Variants in JAK3 observed in about 807,000 individuals in gnomAD.
The protein encoded by JAK3 is tyrosine-protein kinase JAK3.
JAK3 carries 88 observed loss-of-function variants against 120.8 expected under a neutral mutation model. The ratio of observed to expected loss-of-function variants is 0.73; its 90% CI spans 0.61 to 0.87. JAK3 has a LOEUF of 0.87. JAK3 is among the 40% of genes least tolerant of loss of function. JAK3 has a pLI of 0.00. For synonymous variants in JAK3, 592 were observed against 628.6 expected, an observed-to-expected ratio of 0.94 and a Z score of 0.87; for missense variants, 1,254 against 1,501.4, an observed-to-expected ratio of 0.84 and a Z score of 2.72.
chr19:17,830,357 G>T, intron 22 of JAK3, 139 bp from the exon 23 acceptor site: 3 of 913,850 alleles, frequency 3.3e-6, no homozygotes, highest in South Asian at 1.5e-5. Flanking sequence ...TCAGAAAGGT[G>T]AGGAAGCGTC....
rs1019886488 is a variant in JAK3 at position 17,841,089 on chromosome 19, T to C, written c.1142+300A>G. Reference sequence around the variant, plus strand: ...GCCTTGGCCCCTCAAAGCGCTGCGATTGCAGGTGTGCCCCACTATGCCTGG... The same window carrying C: ...GCCTTGGCCCCTCAAAGCGCTGCGACTGCAGGTGTGCCCCACTATGCCTGG... On this transcript the variant is annotated intron_variant, in intron 8 of 23. Coordinates refer to ENST00000458235, the MANE Select transcript of JAK3 (RefSeq NM_000215.4). This position sits in a 1 kb window ranked among gnomAD's most constrained non-coding sequence, Gnocchi z 4.1. Among the ~76,000 whole-genome samples, 1 of 152,134 alleles carries C rather than the reference T, an allele frequency of 6.6e-6. No homozygotes were observed. The highest frequency in any genetic ancestry group is 1.5e-5 in the Non-Finnish European group (1 of 68,022).
chr19:17,842,332 G>C lies in JAK3; in HGVS notation c.845C>G (p.Thr282Ser). 1 of 1,588,916 alleles carries C rather than the reference G, an allele frequency of 6.3e-7. No individual in the cohort carries two copies. The highest frequency in any genetic ancestry group is 8.5e-7 in the Non-Finnish European group (1 of 1,173,474). Residue 282 changes from threonine to serine, a missense_variant, in exon 6 of 24, where the codon ACC (threonine) becomes AGC (serine). Coordinates refer to ENST00000458235, the MANE Select transcript of JAK3 (RefSeq NM_000215.4). This position sits in a 1 kb window ranked among gnomAD's most constrained non-coding sequence, Gnocchi z 6.4. ...CGCCCTCACCTCCTGTTCTCCCTGGGTCCAGGCGATGCCGCCGTCACCAGC... is the reference window on the plus strand; with the variant it reads ...CGCCCTCACCTCCTGTTCTCCCTGGCTCCAGGCGATGCCGCCGTCACCAGC... The part of the protein sequence containing the change: ...RVAGDGGIAW[T>S]QGEQEVLQPF...
rs1449242663 is a variant in JAK3, at chr19:17,839,557, A to G, written c.1361T>C (p.Leu454Pro). 2.0e-5 allele frequency: 32 copies of G among 1,608,774 alleles called. No homozygotes were observed. The highest frequency in any genetic ancestry group is 2.4e-5 in the Non-Finnish European group (28 of 1,178,020). The change falls in exon 10 of 24, where the codon CTG becomes CCG. Residue 454 changes from leucine (L) to proline (P), a missense_variant. Transcript: ENST00000458235. ...CAGCCCCCCATCCCAGCAGGTTGCC[A>G]GGAGCTCTCGAAGACTGCTGTGGGG... ...SRPHSSLREL[L>P]ATCWDGGLHV...
Position 17,841,917 on chromosome 19 carries a change from C to T in JAK3, c.862-155G>A, listed in dbSNP as rs1243176556. ...CCTCCTATCAACTCCAACCTCTCAA[C>T]ACCTCCCCTACCCATCCCCAAACAT... On this transcript the variant is annotated intron_variant, in intron 6 of 23. Transcript: ENST00000458235. This position sits in a 1 kb window ranked among gnomAD's most constrained non-coding sequence, Gnocchi z 4.1. Among the ~76,000 whole-genome samples, 3 of 151,744 alleles carry T rather than the reference C, an allele frequency of 2.0e-5. No individual in the cohort carries two copies. The highest frequency in any genetic ancestry group is 4.8e-5 in the African/African-American group (2 of 41,244).
Position 17,831,905 on chromosome 19 carries a change from G to A in JAK3, c.2681-107C>T. 1 of 1,429,150 alleles carries A rather than the reference G, an allele frequency of 7.0e-7. No homozygotes were observed. The highest frequency in any genetic ancestry group is 9.7e-7 in the Non-Finnish European group (1 of 1,025,856). 88.5% of individuals were successfully genotyped at this position (1,429,150 alleles called of 1,614,324 possible). On this transcript the variant is annotated intron_variant, in intron 19 of 23. Transcript: ENST00000458235. The surrounding 1 kb of genome is among the most constrained non-coding windows in gnomAD (Gnocchi z 5.1). Reference sequence around the variant, plus strand: ...TGTCCCTCTCGACCTCAGTTTTGCTGACTGTAATATGGGAACCGCAACAAT... The same window carrying A: ...TGTCCCTCTCGACCTCAGTTTTGCTAACTGTAATATGGGAACCGCAACAAT...
At chr19:17,839,190 T>C (rs1599875000) in intron 10 of JAK3, 2 of 560,348 alleles carry the variant, frequency 3.6e-6, no homozygotes, top group African/African-American at 3.7e-5. Context: ...ATCTCAGAAT[T>C]GTCCCATCAG....
In JAK3 at chr19:17,835,012, A is replaced by AT. The variant is rs1167203744; in HGVS notation, c.2048-10dup. The AT allele has an allele frequency of 6.2e-7, 1 of 1,614,132 alleles. No homozygotes were observed. The highest frequency in any genetic ancestry group is 8.5e-7 in the Non-Finnish European group (1 of 1,180,018). On this transcript the variant is annotated splice_polypyrimidine_tract_variant and intron_variant, in intron 15 of 23. Transcript: ENST00000458235. ...GATCCTGTCGGTGAGCACTGAGGGAATGAAAGTGGGATCAGGGATCCACTT... is the reference window on the plus strand; with the variant it reads ...GATCCTGTCGGTGAGCACTGAGGGAATTGAAAGTGGGATCAGGGATCCACTT...
At chr19:17,839,240 C>T in intron 10 of JAK3, 1 of 653,308 alleles carries the variant, frequency 1.5e-6, no homozygotes, top group Non-Finnish European at 2.8e-6. Flanking sequence ...AGAGGAAGAG[C>T]TGAGAGCTGG....
chr19:17,837,383 A>G (rs1307861230), intron 12 of JAK3, among the ~76,000 whole-genome samples, 170 bp from the exon 13 acceptor site: 1 of 152,146 alleles, frequency 6.6e-6, no homozygotes, highest in Non-Finnish European at 1.5e-5. Flanking sequence ...GATACGGGAC[A>G]GAAGTTCCCA....
chr19:17,839,534 GC>G lies in JAK3; in HGVS notation c.1383del (p.Leu462CysfsTer3). The G allele has an allele frequency of 6.2e-7, 1 of 1,602,836 alleles. No individual in the cohort carries two copies. The highest frequency in any genetic ancestry group is 8.5e-7 in the Non-Finnish European group (1 of 1,174,878). Reference protein sequence around the residue: ...RELLATCWDGGLHVDGVAVTL... With the variant: ...RELLATCWDGXLHVDGVAVTL... The stretch of plus-strand genomic sequence containing the variant: ...GTCACTGCCACCCCATCTACGTGCA[GC>G]CCCCCATCCCAGCAGGTTGCCAGGA... On this transcript the variant is annotated frameshift_variant, in exon 10 of 24. Coordinates refer to ENST00000458235, the MANE Select transcript of JAK3 (RefSeq NM_000215.4). LOFTEE classifies it high-confidence loss of function.
rs527281163 is a variant in JAK3, at chr19:17,831,140, C to A, written c.2978+88G>T. On this transcript the variant is annotated intron_variant, in intron 21 of 23. Transcript: ENST00000458235. The surrounding 1 kb of genome is among the most constrained non-coding windows in gnomAD (Gnocchi z 5.1). Reference sequence around the variant, plus strand: ...GAAGGGCGGGGCTAAGGCTGGGGAGCAAAGCAGCGGGAGGGGGCGGGGGCA... The same window carrying A: ...GAAGGGCGGGGCTAAGGCTGGGGAGAAAAGCAGCGGGAGGGGGCGGGGGCA... The A allele has an allele frequency of 9.0e-3, 11,953 of 1,334,844 alleles. 67 individuals carry two copies. The highest frequency in any genetic ancestry group is 0.011 in the Non-Finnish European group (11,075 of 1,008,982). 82.7% of individuals were successfully genotyped at this position (1,334,844 alleles called of 1,614,324 possible).
chr19:17,835,309 G>A, intron 14 of JAK3, 94 bp from the exon 15 acceptor site: 1 of 1,467,014 alleles, frequency 6.8e-7, no homozygotes, highest in Non-Finnish European at 9.2e-7. Flanking sequence ...AACCCACTTG[G>A]TACTGCTCAG....
At chr19:17,837,581 A>G (rs1339029219) in intron 12 of JAK3, among the ~76,000 whole-genome samples, 1 of 136,686 alleles carries the variant, frequency 7.3e-6, no homozygotes, top group Non-Finnish European at 1.6e-5. Flanking sequence ...ACGCCCGGCT[A>G]ATTTTGTATT....
In JAK3 at chr19:17,844,217, A is replaced by G. The variant is rs200903837; in HGVS notation, c.184+17T>C. The G allele has an allele frequency of 5.5e-5, 86 of 1,573,568 alleles. No homozygotes were observed. In the African/African-American group the frequency reaches 1.0e-3, roughly 18 times the overall value. On this transcript the variant is annotated intron_variant, in intron 2 of 23. Coordinates refer to ENST00000458235, the MANE Select transcript of JAK3 (RefSeq NM_000215.4). The stretch of plus-strand genomic sequence containing the variant: ...CCCATCCTTCCCTCTGGCCCGATCC[A>G]CTAGGGATGCACTCACCGCTGGCCT...
At chr19:17,833,047 G>A in intron 17 of JAK3, 118 bp from the exon 18 acceptor site, 1 of 1,497,654 alleles carries the variant, frequency 6.7e-7, no homozygotes, top group Non-Finnish European at 9.0e-7. Flanking sequence ...TTATGGCAGG[G>A]CCATTGCAAG....
Position 17,843,701 on chromosome 19 carries a change from C to G in JAK3, c.308+76G>C. On this transcript the variant is annotated intron_variant, in intron 3 of 23. Coordinates refer to ENST00000458235, the MANE Select transcript of JAK3 (RefSeq NM_000215.4). The surrounding 1 kb of genome is among the most constrained non-coding windows in gnomAD (Gnocchi z 5.4). ...GGGTAGTGACCATACCTCCCTGGGGCAGGGGTGTGGGCACCTCGAAATGCA... is the reference window on the plus strand; with the variant it reads ...GGGTAGTGACCATACCTCCCTGGGGGAGGGGTGTGGGCACCTCGAAATGCA... The G allele has an allele frequency of 6.4e-7, 1 of 1,553,742 alleles. No individual in the cohort carries two copies. Among genetic ancestry groups the G allele is most frequent in the Non-Finnish European group, 8.9e-7 (1 of 1,126,686 alleles).
rs531700541 is a variant in JAK3, at chr19:17,841,622, G to C, written c.984+18C>G. On this transcript the variant is annotated intron_variant, in intron 7 of 23. Coordinates refer to ENST00000458235, the MANE Select transcript of JAK3 (RefSeq NM_000215.4). This position sits in a 1 kb window ranked among gnomAD's most constrained non-coding sequence, Gnocchi z 4.1. ...GCCCTCGGGGTAAGGCTGAAGGGGAGGGGAATCCTGCACCCACTAAAATCT... is the reference window on the plus strand; with the variant it reads ...GCCCTCGGGGTAAGGCTGAAGGGGACGGGAATCCTGCACCCACTAAAATCT... 6.2e-7 allele frequency: 1 copy of C among 1,613,780 alleles called. No homozygotes were observed. Among genetic ancestry groups the C allele is most frequent in the East Asian group, 2.2e-5 (1 of 44,864 alleles).
rs1256917072 is a variant in JAK3, at chr19:17,835,863, C to G, written c.1914+61G>C. The G allele has an allele frequency of 4.4e-6, 7 of 1,607,214 alleles. No individual in the cohort carries two copies. In the Admixed American group the frequency reaches 6.7e-5, roughly 15 times the overall value. On this transcript the variant is annotated intron_variant, in intron 14 of 23. Transcript: ENST00000458235. The stretch of plus-strand genomic sequence containing the variant: ...ACTACAGAGCCCACTCCCAATTCCT[C>G]TTCCACCCAGAGAAAGCCTTCCCTG...
rs937420449 is a variant in JAK3, at chr19:17,830,518, G to A, written c.3081C>T (p.Ser1027=). ...GCCGACTCACGGCCGAGGGGCTGCA[G>A]CTTTTGTCGCAGTAGGTGAAGAGCT... ...LYELFTYCDK[S]CSPSAEFLRM... is the part of the protein sequence containing the mutation. Residue 1027 remains serine, a synonymous_variant, in exon 22 of 24, where the codon AGC becomes AGT. Coordinates refer to ENST00000458235, the MANE Select transcript of JAK3 (RefSeq NM_000215.4). 9 of 1,613,528 alleles carry A rather than the reference G, an allele frequency of 5.6e-6. No individual in the cohort carries two copies. Among genetic ancestry groups the A allele is most frequent in the Non-Finnish European group, 6.8e-6 (8 of 1,179,658 alleles).
Sources: allele counts gnomAD v4.1 joint callset (sites outside exome capture counted in the v4.1 genomes callset), GRCh38; gene constraint gnomAD v4.1.1; non-coding constraint Gnocchi (gnomAD v3.1); transcripts MANE v1.5; gene names NCBI Gene and HGNC (gene_info 2026-07-23, HGNC 2026-07-21).